Variants in PPFIA2 observed in about 807,000 individuals in gnomAD.
PPFIA2 encodes the protein PPFI scaffold protein A2, also known as liprin-alpha-2.
A neutral mutation model predicts 175.5 loss-of-function variants in PPFIA2; 46 were observed. The ratio of observed to expected loss-of-function variants is 0.26; its 90% confidence interval spans 0.21 to 0.34. The LOEUF (loss-of-function observed/expected upper bound fraction) is 0.34. PPFIA2 is among the 10% of genes least tolerant of loss of function. The pLI, the probability that PPFIA2 is intolerant of heterozygous loss-of-function variation, is 1.00. For synonymous variants in PPFIA2, 568 were observed against 511.4 expected, an observed-to-expected ratio of 1.11 and a Z score of -1.49; for missense variants, 1,179 against 1,506.1, an observed-to-expected ratio of 0.78 and a Z score of 3.60.
At chr12:81,473,193 C>G (rs1162645428) in intron 4 of PPFIA2, among the ~76,000 whole-genome samples, 2 of 152,066 alleles carry the variant, frequency 1.3e-5, no homozygotes, top group Non-Finnish European at 2.9e-5. Flanking sequence ...GGATCACCTG[C>G]TGTCAAGAGT....
At chr12:81,536,642 T>G (rs1262096299) in intron 4 of PPFIA2, among the ~76,000 whole-genome samples, 3 of 149,116 alleles carry the variant, frequency 2.0e-5, no homozygotes, top group Non-Finnish European at 4.5e-5. Context: ...CAATTAGTAA[T>G]AAATATATTT....
At chr12:81,708,960 C>A (rs1596627927) in intron 3 of PPFIA2, among the ~76,000 whole-genome samples, 1 of 152,258 alleles carries the variant, frequency 6.6e-6, no homozygotes, top group Admixed American at 6.5e-5. Context: ...TAAAATTGTT[C>A]TCTTCTTTTG....
intron 4 of PPFIA2, among the ~76,000 whole-genome samples, chr12:81,642,808 T>C (rs201320019): frequency 1.1e-4 from 1 of 9,078 alleles, no homozygotes. Context: ...TGTATGTATG[T>C]ATTACATACA....
rs1319834820 is a variant in PPFIA2, at chr12:81,582,689, C to T, written c.303+94102G>A. ...TAAATTTGGGGATTACTTAATAGTG[C>T]AAAATATATTAACTTTATTTCAGTT... On this transcript the variant is annotated intron_variant, in intron 4 of 32. Transcript: ENST00000549396. 5.9e-5 allele frequency among the ~76,000 whole-genome samples: 9 copies of T among 151,528 alleles called. No homozygotes were observed. In the East Asian group the frequency reaches 9.7e-4, roughly 16 times the overall value.
chr12:81,404,747 C>T (rs2042637323), intron 8 of PPFIA2, among the ~76,000 whole-genome samples: 1 of 152,032 alleles, frequency 6.6e-6, no homozygotes, highest in African/African-American at 2.4e-5. Flanking sequence ...TTTTGCTTTT[C>T]TACTTGAAGG....
Position 81,263,388 on chromosome 12 carries a change from A to G in PPFIA2, c.3558T>C (p.Ser1186=). The change falls in exon 31 of 33, where the codon AGT becomes AGC. Residue 1186 remains serine, a splice_region_variant and synonymous_variant. Coordinates refer to ENST00000549396, the MANE Select transcript of PPFIA2 (RefSeq NM_003625.5). ...ATCCACGTCTGAAGTTCTTGTCATC[A>G]CTCTGCCAGTACAGTTATAAGGTGA... The part of the protein sequence containing the change: ...ALGTERRLDE[S]DDKNFRRGST... The G allele has an allele frequency of 1.2e-6, 2 of 1,612,412 alleles. No individual in the cohort carries two copies. Among genetic ancestry groups the G allele is most frequent in the Non-Finnish European group, 1.7e-6 (2 of 1,178,576 alleles).
intron 3 of PPFIA2, among the ~76,000 whole-genome samples, chr12:81,739,133 T>C (rs1044836007): frequency 1.3e-5 from 2 of 151,960 alleles, no homozygotes; most frequent in African/African-American, 4.8e-5. Flanking sequence ...TCTATAATTA[T>C]AGCATGAGAC....
At chr12:81,451,918 C>A (rs1423470004) in intron 5 of PPFIA2, among the ~76,000 whole-genome samples, 1 of 152,182 alleles carries the variant, frequency 6.6e-6, no homozygotes, top group Non-Finnish European at 1.5e-5. Context: ...TACACACCTT[C>A]ACTGGGAGCT....
intron 4 of PPFIA2, among the ~76,000 whole-genome samples, chr12:81,653,586 A>G (rs1360715529): frequency 6.6e-6 from 1 of 152,088 alleles, no homozygotes; most frequent in African/African-American, 2.4e-5. Context: ...ATTCTCCTGC[A>G]CCAGTCATTA....
At chr12:81,410,542 G>T (rs1217273434) in intron 7 of PPFIA2, among the ~76,000 whole-genome samples, 1 of 152,060 alleles carries the variant, frequency 6.6e-6, no homozygotes, top group Non-Finnish European at 1.5e-5. Context: ...CTCTGTTCAA[G>T]ATAAATATTT....
intron 3 of PPFIA2, among the ~76,000 whole-genome samples, chr12:81,751,766 A>C (rs1164655768): frequency 6.6e-6 from 1 of 152,192 alleles, no homozygotes; most frequent in Non-Finnish European, 1.5e-5. Flanking sequence ...AATAGCTAGA[A>C]ATAAAACATT....
At chr12:81,323,878 A>G (rs1010803383) in intron 22 of PPFIA2, among the ~76,000 whole-genome samples, 1 of 152,038 alleles carries the variant, frequency 6.6e-6, no homozygotes, top group Non-Finnish European at 1.5e-5. Flanking sequence ...GGCTATTGCT[A>G]TGGGATAATC....
chr12:81,506,178 T>A (rs961349068), intron 4 of PPFIA2: 1 of 152,212 alleles, frequency 6.6e-6, no homozygotes, highest in Admixed American at 6.5e-5. Flanking sequence ...TTATACAATA[T>A]TTTTTGTACT....
intron 30 of PPFIA2, 79 bp from the exon 31 acceptor site, chr12:81,263,469 T>C (rs2036271202): frequency 4.7e-6 from 6 of 1,266,550 alleles, no homozygotes; most frequent in Non-Finnish European, 6.6e-6. Flanking sequence ...CTTAGAAACA[T>C]GTAACATAGA....
At chr12:81,706,632 T>A (rs2077179593) in intron 3 of PPFIA2, among the ~76,000 whole-genome samples, 1 of 152,132 alleles carries the variant, frequency 6.6e-6, no homozygotes, top group Non-Finnish European at 1.5e-5. Flanking sequence ...GAGGTGTCAG[T>A]CTGCCCCTAC....
chr12:81,685,380 C>G (rs1323974330), intron 3 of PPFIA2, among the ~76,000 whole-genome samples: 1 of 151,956 alleles, frequency 6.6e-6, no homozygotes, highest in East Asian at 1.9e-4. Context: ...ATAAATTTTT[C>G]CTATGTAAGC....
At chr12:81,669,710 C>T (rs2071053813) in intron 4 of PPFIA2, among the ~76,000 whole-genome samples, 1 of 151,834 alleles carries the variant, frequency 6.6e-6, no homozygotes, top group Non-Finnish European at 1.5e-5. Flanking sequence ...ATAAACTTGT[C>T]TGGGTAAAGG....
intron 8 of PPFIA2, 106 bp from the exon 9 acceptor site, chr12:81,384,350 T>C (rs2038445547): frequency 2.3e-6 from 2 of 851,140 alleles, no homozygotes; most frequent in African/African-American, 1.7e-5. Flanking sequence ...CAGTGAGAAA[T>C]AAGAAATTCT....
chr12:81,499,351 T>C (rs1418102540), intron 4 of PPFIA2, among the ~76,000 whole-genome samples: 1 of 152,200 alleles, frequency 6.6e-6, no homozygotes, highest in African/African-American at 2.4e-5. Flanking sequence ...ACTCTTATTA[T>C]CTCTTTCATT....
Sources: gnomAD v4.1 joint callset for allele counts (sites outside exome capture counted in the v4.1 genomes callset) on GRCh38, gnomAD v4.1.1 for gene constraint, MANE v1.5 for transcripts, NCBI Gene and HGNC (gene_info 2026-07-23, HGNC 2026-07-21) for gene names.